Variants in TMIGD3 observed in about 807,000 individuals in gnomAD.
TMIGD3 encodes AD026 protein (AD026).
Under a neutral mutation model 28.1 loss-of-function variants are expected in TMIGD3, and 21 were observed. The observed-to-expected ratio is 0.75, with a 90% CI of 0.53 to 1.08. TMIGD3 has a LOEUF of 1.08. Ranked by LOEUF, TMIGD3 falls within the 50% of genes least tolerant of loss-of-function variation. The pLI is 0.00. For synonymous variants in TMIGD3, 151 were observed against 162.1 expected, an observed-to-expected ratio of 0.93 and a Z score of 0.52; for missense variants, 416 against 435.6, an observed-to-expected ratio of 0.96 and a Z score of 0.40.
chr1:111,533,478 T>C (rs1656521990), intron 1 of TMIGD3, among the ~76,000 whole-genome samples: 4 of 152,244 alleles, frequency 2.6e-5, no homozygotes, highest in Admixed American at 2.6e-4. Context: ...TCCACATATC[T>C]TAGCTAACCA....
chr1:111,510,559 A>AC lies in TMIGD3; in HGVS notation c.108-19798_108-19797insG, dbSNP rs146042099. Among the ~76,000 whole-genome samples the AC allele has an allele frequency of 3.6e-3, 542 of 152,252 alleles. 6 individuals carry two copies. The highest frequency in any genetic ancestry group is 0.012 in the African/African-American group (509 of 41,522). On this transcript the variant is annotated intron_variant, in intron 1 of 5. Transcript: ENST00000369717. Reference sequence around the variant, plus strand: ...TTGTGTGTGAGCAGCCAGGAGTGTCAGAGCCGATGTTCGGTCTCGGTAATC... The same window carrying AC: ...TTGTGTGTGAGCAGCCAGGAGTGTCACGAGCCGATGTTCGGTCTCGGTAATC...
At chr1:111,525,604 C>T (rs1431358168) in intron 1 of TMIGD3, among the ~76,000 whole-genome samples, 2 of 152,192 alleles carry the variant, frequency 1.3e-5, no homozygotes, top group Non-Finnish European at 2.9e-5. Flanking sequence ...TGGCTCACGC[C>T]TGTAATCTCA....
intron 1 of TMIGD3, among the ~76,000 whole-genome samples, chr1:111,502,229 TGA>T (rs372849277): frequency 5.4e-4 from 12 of 22,400 alleles, no homozygotes; most frequent in Admixed American, 1.7e-3. Flanking sequence ...TTTATTATAA[TGA>T]ATATATAGGA....
upstream of TMIGD3, among the ~76,000 whole-genome samples, chr1:111,508,392 A>G (rs1655585645): frequency 6.6e-6 from 1 of 152,264 alleles, no homozygotes; most frequent in Non-Finnish European, 1.5e-5. Flanking sequence ...GGTGGCCACC[A>G]GAGGGAAGCA....
At position 111,494,488 on chromosome 1, in the gene TMIGD3, G is replaced by A. The variant is rs1299307960; in HGVS notation, c.351-3726C>T. On this transcript the variant is annotated intron_variant, in intron 1 of 5. Coordinates refer to ENST00000369716, the MANE Select transcript of TMIGD3 (RefSeq NM_020683.7). The stretch of plus-strand genomic sequence containing the variant: ...TTGCCACAAAAGAATAAAATACCTA[G>A]GAATACAGCTTACCAGGGAGGTGAA... Among the ~76,000 whole-genome samples, 7 of 152,190 alleles carry A rather than the reference G, an allele frequency of 4.6e-5. No individual in the cohort carries two copies. The South Asian group carries it at 1.2e-3, about 27-fold the overall frequency.
intron 1 of TMIGD3, chr1:111,499,488 C>A: frequency 1.0e-6 from 1 of 992,820 alleles, no homozygotes; most frequent in Non-Finnish European, 1.2e-6. Context: ...AGTTTAAGTC[C>A]CCCTTAAACT....
chr1:111,497,474 A>G (rs78680897), intron 1 of TMIGD3, among the ~76,000 whole-genome samples: 1 of 152,184 alleles, frequency 6.6e-6, no homozygotes, highest in Non-Finnish European at 1.5e-5. Context: ...CAAGCTCCTC[A>G]CCAGTGATTC....
In TMIGD3 at chr1:111,489,039, ACACACACGCACACGTG is replaced by A; in HGVS notation, c.458-31_458-16del. The A allele has an allele frequency of 6.4e-7, 1 of 1,562,672 alleles. No homozygotes were observed. Among genetic ancestry groups the A allele is most frequent in the Non-Finnish European group, 8.7e-7 (1 of 1,154,290 alleles). ...GACCATGGCATCTGTGAAAACACAC[ACACACACGCACACGTG>A]CACACACACACACCATTGTTCTCTC... On this transcript the variant is annotated splice_polypyrimidine_tract_variant and intron_variant, in intron 2 of 5. Transcript: ENST00000369716.
At chr1:111,507,672 A>G (rs538697765), upstream of TMIGD3, among the ~76,000 whole-genome samples, 10 of 152,342 alleles carry the variant, frequency 6.6e-5, no homozygotes, top group African/African-American at 1.4e-4. Flanking sequence ...GGCAGGCGAA[A>G]GGTGGGGCTT....
At position 111,520,706 on chromosome 1, in the gene TMIGD3, G is replaced by T. The variant is rs149925201; in HGVS notation, c.108-29944C>A. Reference sequence around the variant, plus strand: ...CAACTTAGTGGATCATGACCACATTGCATTTTCAGTTAAATGGAGTGGAAT... The same window carrying T: ...CAACTTAGTGGATCATGACCACATTTCATTTTCAGTTAAATGGAGTGGAAT... On this transcript the variant is annotated intron_variant, in intron 1 of 5. Transcript: ENST00000369717. Among the ~76,000 whole-genome samples, 425 of 152,282 alleles carry T rather than the reference G, an allele frequency of 2.8e-3. 1 individual carries two copies. The highest frequency in any genetic ancestry group is 9.7e-3 in the African/African-American group (401 of 41,546).
At chr1:111,500,073 G>T (rs147238368) in intron 1 of TMIGD3, 1 of 1,614,214 alleles carries the variant, frequency 6.2e-7, no homozygotes, top group Non-Finnish European at 8.5e-7. Context: ...AGACGATAGG[G>T]TTCATCATGG....
chr1:111,486,881 C>A (rs890413459), intron 3 of TMIGD3, among the ~76,000 whole-genome samples: 19 of 152,188 alleles, frequency 1.2e-4, no homozygotes, highest in Non-Finnish European at 2.6e-4. Flanking sequence ...GCTTGCCAGG[C>A]CATGCACCCT....
chr1:111,490,982 T>C (rs1654631776), intron 1 of TMIGD3, among the ~76,000 whole-genome samples: 1 of 152,194 alleles, frequency 6.6e-6, no homozygotes, highest in African/African-American at 2.4e-5. Context: ...GTAAATGGGC[T>C]CTGGCCCACA....
At chr1:111,551,333 T>C (rs919253262) in intron 1 of TMIGD3, among the ~76,000 whole-genome samples, 3 of 152,192 alleles carry the variant, frequency 2.0e-5, no homozygotes, top group African/African-American at 7.2e-5. Flanking sequence ...CCGTTACTAG[T>C]TTCTTCTGTG....
intron 1 of TMIGD3, among the ~76,000 whole-genome samples, chr1:111,533,962 C>T (rs1656536964): frequency 6.6e-6 from 1 of 152,248 alleles, no homozygotes; most frequent in Middle Eastern, 3.4e-3. Context: ...TACTTAACCT[C>T]TCTATATGTC....
chr1:111,530,353 G>T (rs1006381945), intron 1 of TMIGD3, among the ~76,000 whole-genome samples: 2 of 151,988 alleles, frequency 1.3e-5, no homozygotes, highest in African/African-American at 4.8e-5. Flanking sequence ...TTTTTAAAGA[G>T]ATTTTTTTAA....
chr1:111,504,133 G>A (rs540053112), upstream of TMIGD3: 1,416 of 985,376 alleles, frequency 1.4e-3, 1 homozygote, highest in Middle Eastern at 3.7e-3. Flanking sequence ...CTTGGTCAAA[G>A]GGATAAGCAA....
chr1:111,503,920 A>G (rs1655382788), upstream of TMIGD3: 1 of 985,396 alleles, frequency 1.0e-6, no homozygotes, highest in Non-Finnish European at 1.2e-6. Flanking sequence ...GTGGGAGCAG[A>G]GCTGGAAGCA....
intron 1 of TMIGD3, among the ~76,000 whole-genome samples, chr1:111,520,553 A>T (rs1181845427): frequency 6.6e-6 from 1 of 152,198 alleles, no homozygotes; most frequent in African/African-American, 2.4e-5. Context: ...AAAGGCAGAA[A>T]CTGTCTCAGA....
Sources: gnomAD v4.1 joint callset for allele counts (sites outside exome capture counted in the v4.1 genomes callset) on GRCh38, gnomAD v4.1.1 for gene constraint, MANE v1.5 for transcripts, NCBI Gene and HGNC (gene_info 2026-07-23, HGNC 2026-07-21) for gene names.